MLLT1: variants seen among roughly 807,000 people sequenced by gnomAD.
MLLT1 encodes the protein protein ENL.
In MLLT1, 11 loss-of-function variants were observed where a neutral mutation model predicts 55.1. The ratio of observed to expected loss-of-function variants is 0.20; its 90% CI spans 0.13 to 0.33. MLLT1 has a LOEUF of 0.33. Among genes scored for constraint, MLLT1 ranks in the 10% least tolerant of loss-of-function variants. The pLI, the probability that MLLT1 is intolerant of heterozygous loss-of-function variation, is 1.00. For synonymous variants in MLLT1, 323 were observed against 320.1 expected, an observed-to-expected ratio of 1.01 and a Z score of -0.10; for missense variants, 536 against 760.6, an observed-to-expected ratio of 0.70 and a Z score of 3.47.
chr19:6,211,165 GC>G lies in MLLT1; in HGVS notation c.*1876del, dbSNP rs2090765657. 1 of 232,694 alleles carries G rather than the reference GC, an allele frequency of 4.3e-6. No homozygotes were observed. Among genetic ancestry groups the G allele is most frequent in the Non-Finnish European group, 8.5e-6 (1 of 117,710 alleles). 14.4% of individuals were successfully genotyped at this position (232,694 alleles called of 1,614,324 possible). ...TCCCAGCAGCACGGGCCCCCGGTCA[GC>G]CCCCCTCAGGCCAGTTCCTTCAGTC... On this transcript the variant is annotated 3_prime_UTR_variant, in exon 12 of 12. Transcript: ENST00000252674. The surrounding 1 kb of genome is among the most constrained non-coding windows in gnomAD (Gnocchi z 4.6).
intron 3 of MLLT1, among the ~76,000 whole-genome samples, chr19:6,239,727 CAT>C (rs2091098056): frequency 1.3e-5 from 2 of 151,550 alleles, no homozygotes; most frequent in Non-Finnish European, 2.9e-5. Context: ...CCCCCACACT[CAT>C]ACACTCAGAC....
At chr19:6,241,487 G>A (rs1028510452) in intron 3 of MLLT1, among the ~76,000 whole-genome samples, 1 of 152,210 alleles carries the variant, frequency 6.6e-6, no homozygotes, top group Non-Finnish European at 1.5e-5. Context: ...AGGAAATTGG[G>A]GAACATAATG....
At chr19:6,242,485 G>C (rs1336010568) in intron 3 of MLLT1, among the ~76,000 whole-genome samples, 1 of 152,224 alleles carries the variant, frequency 6.6e-6, no homozygotes, top group Admixed American at 6.5e-5. Context: ...CCTGTCCAAT[G>C]ACAGCTTGTT....
intron 1 of MLLT1, among the ~76,000 whole-genome samples, chr19:6,277,481 T>C (rs1443949204): frequency 2.0e-5 from 3 of 152,178 alleles, no homozygotes; most frequent in African/African-American, 7.2e-5. Flanking sequence ...GGAACTGAAG[T>C]TGTCATTCGA....
At chr19:6,274,643 C>CG (rs2091418862) in intron 1 of MLLT1, among the ~76,000 whole-genome samples, 1 of 152,022 alleles carries the variant, frequency 6.6e-6, no homozygotes. Context: ...GGAAATGAGC[C>CG]GGGGGGCTGT....
intron 6 of MLLT1, among the ~76,000 whole-genome samples, chr19:6,220,815 G>A (rs897269503): frequency 6.6e-6 from 1 of 152,176 alleles, no homozygotes; most frequent in East Asian, 1.9e-4. Context: ...GGTCAGGCTC[G>A]GTGCCCAGCA....
rs1568292122 is a variant in MLLT1, at chr19:6,256,190, C to G, written c.276+6038G>C. On this transcript the variant is annotated intron_variant, in intron 3 of 11. Coordinates refer to ENST00000252674, the MANE Select transcript of MLLT1 (RefSeq NM_005934.4). This position sits in a 1 kb window ranked among gnomAD's most constrained non-coding sequence, Gnocchi z 4.1. ...CAGGATCGTGCCACTGCACTCCAGC[C>G]TGGACAAGAGCGAAACTCTGTCTCA... Among the ~76,000 whole-genome samples, 1 of 150,910 alleles carries G rather than the reference C, an allele frequency of 6.6e-6. No individual in the cohort carries two copies. Among genetic ancestry groups the G allele is most frequent in the Non-Finnish European group, 1.5e-5 (1 of 67,916 alleles).
rs887168342 is a variant in MLLT1 at position 6,210,406 on chromosome 19, CT to C, written c.*2635del. The C allele has an allele frequency of 1.0e-3, 182 of 182,486 alleles. No homozygotes were observed. Among genetic ancestry groups the C allele is most frequent in the African/African-American group, 3.7e-3 (158 of 42,420 alleles). 11.3% of individuals were successfully genotyped at this position (182,486 alleles called of 1,614,324 possible). The stretch of plus-strand genomic sequence containing the variant: ...TGCTTTCCCATCTGACTTTATTTCA[CT>C]TTTTTTTTCTATAAAACTCCTCCAT... On this transcript the variant is annotated 3_prime_UTR_variant, in exon 12 of 12. Coordinates refer to ENST00000252674, the MANE Select transcript of MLLT1 (RefSeq NM_005934.4). This position sits in a 1 kb window ranked among gnomAD's most constrained non-coding sequence, Gnocchi z 4.6.
chr19:6,241,922 G>A (rs2091116841), intron 3 of MLLT1, among the ~76,000 whole-genome samples: 1 of 152,186 alleles, frequency 6.6e-6, no homozygotes, highest in South Asian at 2.1e-4. Flanking sequence ...CACATCAACC[G>A]GCCGATTGTC....
chr19:6,244,467 G>A (rs964601570), intron 3 of MLLT1, among the ~76,000 whole-genome samples: 1 of 151,820 alleles, frequency 6.6e-6, no homozygotes, highest in Non-Finnish European at 1.5e-5. Flanking sequence ...TCAACAGTGG[G>A]CTTGGTGCAT....
At chr19:6,232,783 T>A (rs1169445565) in intron 3 of MLLT1, among the ~76,000 whole-genome samples, 1 of 152,206 alleles carries the variant, frequency 6.6e-6, no homozygotes, top group Admixed American at 6.5e-5. Context: ...AAACTTGTGA[T>A]GATTGCACAA....
chr19:6,221,027 G>A (rs1464046156), intron 6 of MLLT1, among the ~76,000 whole-genome samples: 1 of 152,196 alleles, frequency 6.6e-6, no homozygotes, highest in Non-Finnish European at 1.5e-5. Context: ...CCAGAGGCTG[G>A]ACCGTCACCC....
chr19:6,239,054 C>T (rs1448773611), intron 3 of MLLT1, among the ~76,000 whole-genome samples: 3 of 152,214 alleles, frequency 2.0e-5, no homozygotes, highest in Non-Finnish European at 4.4e-5. Flanking sequence ...GGCCATTTAC[C>T]GAAGCCTCAC....
chr19:6,242,522 T>C (rs2091124754), intron 3 of MLLT1, among the ~76,000 whole-genome samples: 1 of 152,164 alleles, frequency 6.6e-6, no homozygotes, highest in Admixed American at 6.5e-5. Context: ...AGGTCTAATA[T>C]TAGTGGCAAA....
rs747556187 is a variant in MLLT1, at chr19:6,270,250, G to A, written c.193+329C>T. On this transcript the variant is annotated intron_variant, in intron 2 of 11. Transcript: ENST00000252674. The surrounding 1 kb of genome is among the most constrained non-coding windows in gnomAD (Gnocchi z 7.1). ...TCACATGGCACACAAACAAACATAG[G>A]CCCGGTCGGCAACTTCCTGATCACT... 1.3e-5 allele frequency among the ~76,000 whole-genome samples: 2 copies of A among 150,852 alleles called. No homozygotes were observed. Among genetic ancestry groups the A allele is most frequent in the Non-Finnish European group, 3.0e-5 (2 of 67,552 alleles).
chr19:6,227,192 C>T lies in MLLT1; in HGVS notation c.421-90G>A. 5.9e-6 allele frequency: 8 copies of T among 1,351,132 alleles called. No individual in the cohort carries two copies. The highest frequency in any genetic ancestry group is 1.5e-5 in the African/African-American group (1 of 65,754). The allele number at this position is 1,351,132 out of a possible 1,614,324, so 83.7% of individuals were successfully genotyped here. On this transcript the variant is annotated intron_variant, in intron 4 of 11. Transcript: ENST00000252674. This position sits in a 1 kb window ranked among gnomAD's most constrained non-coding sequence, Gnocchi z 5.1. ...CTGAAGGTGGTGGGGCTTCCCTCTG[C>T]AGGAGGGGAGAAGGGAGAGCCTGAG...
intron 3 of MLLT1, among the ~76,000 whole-genome samples, chr19:6,258,222 G>C (rs2091275033): frequency 6.6e-6 from 1 of 152,040 alleles, no homozygotes; most frequent in Non-Finnish European, 1.5e-5. Context: ...ATTCCCCATA[G>C]CAAATGGGTA....
At position 6,226,896 on chromosome 19, in the gene MLLT1, G is replaced by A; in HGVS notation, c.546+81C>T. On this transcript the variant is annotated intron_variant, in intron 5 of 11. Transcript: ENST00000252674. This position sits in a 1 kb window ranked among gnomAD's most constrained non-coding sequence, Gnocchi z 6.3. ...GAGCAGGTGCGGAAGGCCCAGCCCA[G>A]TGGAGGGAGGGCGCCGGGGCCAGAC... The A allele has an allele frequency of 7.7e-7, 1 of 1,295,936 alleles. No individual in the cohort carries two copies. Among genetic ancestry groups the A allele is most frequent in the Non-Finnish European group, 1.0e-6 (1 of 979,860 alleles). 80.3% of individuals were successfully genotyped at this position (1,295,936 alleles called of 1,614,324 possible). A position where few individuals can be genotyped will look rare whatever the true frequency, so the allele number is the denominator to read the frequency against.
chr19:6,226,250 C>G lies in MLLT1; in HGVS notation c.546+727G>C, dbSNP rs530545917. On this transcript the variant is annotated intron_variant, in intron 5 of 11. Transcript: ENST00000252674. The surrounding 1 kb of genome is among the most constrained non-coding windows in gnomAD (Gnocchi z 6.3). ...CGGGCAGCTGCCCCGAGGGCCCGTG[C>G]CGCTCAGCCTCCAGGAACGGCTGTG... Among the ~76,000 whole-genome samples the G allele has an allele frequency of 3.1e-3, 477 of 152,308 alleles. 2 individuals are homozygous for G. Among genetic ancestry groups the G allele is most frequent in the African/African-American group, 0.011 (447 of 41,566 alleles).
Sources: gnomAD v4.1 joint callset for allele counts (sites outside exome capture counted in the v4.1 genomes callset) on GRCh38, gnomAD v4.1.1 for gene constraint, Gnocchi (gnomAD v3.1) non-coding constraint, MANE v1.5 for transcripts, NCBI Gene and HGNC (gene_info 2026-07-23, HGNC 2026-07-21) for gene names.